The following SLC28A1 variants were observed in gnomAD, a reference collection of about 807,000 sequenced individuals.
SLC28A1 encodes the protein sodium/nucleoside cotransporter 1.
In SLC28A1, 64 loss-of-function variants were observed where a neutral mutation model predicts 74.8. The observed-to-expected ratio is 0.86, with a 90% CI of 0.70 to 1.05. SLC28A1 has a LOEUF of 1.05. Ranked by LOEUF, SLC28A1 falls within the 50% of genes least tolerant of loss-of-function variation. SLC28A1 has a pLI of 0.00. For missense variants in SLC28A1, 828 were observed against 822.8 expected (o/e 1.01, Z -0.08); for synonymous variants, 359 against 335.0 (o/e 1.07, Z -0.78).
At chr15:84,934,421 T>C (rs1201491802) in intron 13 of SLC28A1, among the ~76,000 whole-genome samples, 1 of 152,168 alleles carries the variant, frequency 6.6e-6, no homozygotes, top group Non-Finnish European at 1.5e-5. Flanking sequence ...TTCACTCACC[T>C]CCTAACATCC....
At position 84,914,899 on chromosome 15, in the gene SLC28A1, T is replaced by G. The variant is rs142561507; in HGVS notation, c.796-3625T>G. Among the ~76,000 whole-genome samples, 39 of 152,252 alleles carry G rather than the reference T, an allele frequency of 2.6e-4. 2 individuals are homozygous for G. The East Asian group carries it at 7.5e-3, about 29-fold the overall frequency. ...CCCTCCCTAGACAGGCCCCACTTAATCCAAAACATAGCTTCTCTTCTACCA... is the reference window on the plus strand; with the variant it reads ...CCCTCCCTAGACAGGCCCCACTTAAGCCAAAACATAGCTTCTCTTCTACCA... On this transcript the variant is annotated intron_variant, in intron 9 of 18. Transcript: ENST00000394573.
At chr15:84,935,654 G>A (rs1971798402) in intron 15 of SLC28A1, 136 bp downstream of exon 15, 1 of 729,176 alleles carries the variant, frequency 1.4e-6, no homozygotes, top group Non-Finnish European at 2.3e-6. Flanking sequence ...CCTACATCCT[G>A]TAGTCCTGGG....
At chr15:84,940,882 T>G in intron 15 of SLC28A1, 1 of 174,238 alleles carries the variant, frequency 5.7e-6, no homozygotes, top group Non-Finnish European at 1.3e-5. Flanking sequence ...TCTTTTTTGT[T>G]TTCCCTTTAG....
At chr15:84,903,046 A>G (rs1029366093) in intron 6 of SLC28A1, among the ~76,000 whole-genome samples, 1 of 152,218 alleles carries the variant, frequency 6.6e-6, no homozygotes, top group African/African-American at 2.4e-5. Context: ...GAGTTCTTAT[A>G]AAGTCAGTTA....
Position 84,944,808 on chromosome 15 carries a change from C to T in SLC28A1, c.1815C>T (p.Asn605=), listed in dbSNP as rs1567194117. 6.2e-7 allele frequency: 1 copy of T among 1,614,128 alleles called. No homozygotes were observed. Among genetic ancestry groups the T allele is most frequent in the Admixed American group, 1.7e-5 (1 of 60,026 alleles). ...GAEVDCMSLL[N]TTLSSSSFEI... ...AAGTTGACTGCATGTCCCTCTTGAA[C>T]ACGACCCTCAGCAGCAGTAGCTTTG... The change falls in exon 18 of 19, where the codon AAC becomes AAT. Residue 605 remains asparagine (N), a synonymous_variant. Transcript: ENST00000394573.
chr15:84,924,164 T>C (rs1970203029), intron 12 of SLC28A1, 54 bp downstream of exon 12: 1 of 1,591,310 alleles, frequency 6.3e-7, no homozygotes, highest in Non-Finnish European at 8.6e-7. Flanking sequence ...AGCCCATCTT[T>C]GTGGGAGCCC....
chr15:84,891,610 G>A (rs1965379775), intron 5 of SLC28A1, among the ~76,000 whole-genome samples: 1 of 152,188 alleles, frequency 6.6e-6, no homozygotes, highest in Non-Finnish European at 1.5e-5. Flanking sequence ...AGGGTTTCAA[G>A]GAGGGAAAGA....
chr15:84,892,586 T>TA (rs1340168237), intron 5 of SLC28A1, among the ~76,000 whole-genome samples: 9 of 152,348 alleles, frequency 5.9e-5, no homozygotes, highest in African/African-American at 2.2e-4. Flanking sequence ...AATGATCCCT[T>TA]GCAATGGTCA....
At chr15:84,956,466 T>C in the SLC28A1 span, among the ~76,000 whole-genome samples, 2 of 43,190 alleles carry the variant, frequency 4.6e-5, no homozygotes, top group Non-Finnish European at 6.9e-5. Context: ...TTTCTTTCTT[T>C]CCTTCTTTCT....
At chr15:84,884,873 G>A (rs1207005024) in intron 1 of SLC28A1, 122 bp downstream of exon 1, 2 of 281,002 alleles carry the variant, frequency 7.1e-6, no homozygotes, top group Admixed American at 6.5e-5. Context: ...AGGGCTTGGC[G>A]AAGACCCCTT....
At chr15:84,933,985 CA>C (rs1395173314) in intron 13 of SLC28A1, among the ~76,000 whole-genome samples, 1 of 152,084 alleles carries the variant, frequency 6.6e-6, no homozygotes, top group African/African-American at 2.4e-5. Flanking sequence ...AAAAACAAAA[CA>C]AAAAGCCACC....
the SLC28A1 span, among the ~76,000 whole-genome samples, chr15:84,956,912 A>T: frequency 1.3e-5 from 2 of 151,900 alleles, no homozygotes; most frequent in Non-Finnish European, 2.9e-5. Context: ...TCCCAACTAA[A>T]CTGTGACACT....
chr15:84,911,320 C>T (rs1968177986), intron 9 of SLC28A1, among the ~76,000 whole-genome samples: 2 of 152,172 alleles, frequency 1.3e-5, no homozygotes, highest in South Asian at 4.1e-4. Flanking sequence ...CCATTGGTAC[C>T]AGGAGGGAGC....
chr15:84,953,948 C>T, the SLC28A1 span, among the ~76,000 whole-genome samples: 1 of 152,140 alleles, frequency 6.6e-6, no homozygotes, highest in Non-Finnish European at 1.5e-5. Context: ...GACTTCATGA[C>T]TCTAGGGCTC....
intron 12 of SLC28A1, among the ~76,000 whole-genome samples, chr15:84,931,356 G>A (rs1971249508): frequency 6.6e-6 from 1 of 151,724 alleles, no homozygotes. Flanking sequence ...AAAAAATATT[G>A]TTGTGGACAT....
At chr15:84,896,015 T>A (rs949893080) in intron 6 of SLC28A1, 27 of 848,284 alleles carry the variant, frequency 3.2e-5, no homozygotes, top group Non-Finnish European at 3.8e-5. Context: ...TGACTTCTCT[T>A]TATTAAATAC....
chr15:84,968,309 G>A, the SLC28A1 span, among the ~76,000 whole-genome samples: 3 of 152,182 alleles, frequency 2.0e-5, no homozygotes, highest in Non-Finnish European at 2.9e-5. Flanking sequence ...GCCTGGTTTG[G>A]TGTGGCTTAG....
At chr15:84,971,047 A>C in the SLC28A1 span, among the ~76,000 whole-genome samples, 1 of 152,140 alleles carries the variant, frequency 6.6e-6, no homozygotes, top group African/African-American at 2.4e-5. Context: ...TCACTGCCTT[A>C]TCTGCTGTTT....
At chr15:84,946,508 G>A (rs2079237073), downstream of SLC28A1, among the ~76,000 whole-genome samples, 1 of 152,022 alleles carries the variant, frequency 6.6e-6, no homozygotes, top group Non-Finnish European at 1.5e-5. Context: ...TAAGTTATGT[G>A]CCTAAAGGGA....
Sources: gnomAD v4.1 joint callset for allele counts (sites outside exome capture counted in the v4.1 genomes callset) on GRCh38, gnomAD v4.1.1 for gene constraint, MANE v1.5 for transcripts, NCBI Gene and HGNC (gene_info 2026-07-23, HGNC 2026-07-21) for gene names.